SCAPER: variants seen among roughly 807,000 people sequenced by gnomAD.
SCAPER encodes the protein S phase cyclin A-associated protein in the endoplasmic reticulum.
In SCAPER, 98 loss-of-function variants were observed where a neutral mutation model predicts 182.2. The observed-to-expected ratio is 0.54, with a 90% CI of 0.46 to 0.64. SCAPER has a LOEUF of 0.64. Ranked by LOEUF, SCAPER falls within the 30% of genes least tolerant of loss-of-function variation. The pLI, the probability that SCAPER is intolerant of heterozygous loss-of-function variation, is 0.00. For missense variants in SCAPER, 1,432 were observed against 1,690.0 expected, an observed-to-expected ratio of 0.85 and a Z score of 2.68; for synonymous variants, 605 against 564.6, an observed-to-expected ratio of 1.07 and a Z score of -1.01.
At chr15:76,733,596 A>T (rs2151059312) in intron 15 of SCAPER, among the ~76,000 whole-genome samples, 2 of 152,028 alleles carry the variant, frequency 1.3e-5, no homozygotes, top group East Asian at 3.9e-4. Context: ...TAAAAAAAAA[A>T]AAGAAAAAAT....
chr15:76,766,452 T>C (rs2063123180), intron 11 of SCAPER, among the ~76,000 whole-genome samples: 1 of 152,122 alleles, frequency 6.6e-6, no homozygotes, highest in African/African-American at 2.4e-5. Flanking sequence ...TCACTTTCTA[T>C]AAATTATAAT....
chr15:76,399,954 G>A (rs901315081), intron 27 of SCAPER, among the ~76,000 whole-genome samples: 1 of 150,002 alleles, frequency 6.7e-6, no homozygotes, highest in Non-Finnish European at 1.5e-5. Context: ...ACAGTGAGCC[G>A]AGATGGCGCC....
chr15:76,364,596 T>C lies in SCAPER; in HGVS notation c.3856-10456A>G, dbSNP rs142388175. Among the ~76,000 whole-genome samples, 821 of 152,288 alleles carry C rather than the reference T, an allele frequency of 5.4e-3. 13 individuals are homozygous for C. The highest frequency in any genetic ancestry group is 0.019 in the African/African-American group (781 of 41,550). ...CTGCTTCCTATGGGAAAAGGCTGTG[T>C]GCTTGGTACCAGTAGCAGAGGAATG... On this transcript the variant is annotated intron_variant, in intron 29 of 31. Transcript: ENST00000563290.
intron 15 of SCAPER, among the ~76,000 whole-genome samples, chr15:76,748,983 A>C (rs2061952021): frequency 1.3e-5 from 2 of 152,086 alleles, no homozygotes; most frequent in Admixed American, 1.3e-4. Flanking sequence ...CTCTAAAAAA[A>C]TTGAAGATGA....
At chr15:76,692,847 A>G (rs1234993705) in intron 20 of SCAPER, among the ~76,000 whole-genome samples, 5 of 152,046 alleles carry the variant, frequency 3.3e-5, no homozygotes, top group African/African-American at 9.7e-5. Flanking sequence ...ATAAAGCGAC[A>G]ATAGACAAGA....
intron 23 of SCAPER, among the ~76,000 whole-genome samples, chr15:76,572,061 G>A (rs1466503404): frequency 2.0e-5 from 3 of 152,058 alleles, no homozygotes; most frequent in African/African-American, 2.4e-5. Context: ...ATTTAGACTG[G>A]GAGCCAGACA....
At chr15:76,559,981 G>A (rs1230749290) in intron 23 of SCAPER, among the ~76,000 whole-genome samples, 1 of 152,092 alleles carries the variant, frequency 6.6e-6, no homozygotes, top group Non-Finnish European at 1.5e-5. Context: ...TGTAAAGAAA[G>A]TTAAAATAGT....
intron 26 of SCAPER, among the ~76,000 whole-genome samples, chr15:76,431,675 G>GAAAAAAAAAAAAAAAAAAAAAA (rs1567126176): frequency 4.6e-4 from 2 of 4,316 alleles, no homozygotes; most frequent in African/African-American, 2.3e-3. Context: ...AAAATGATTA[G>GAAAAAAAAAAAAAAAAAAAAAA]CAAAAAAAAA....
chr15:76,734,355 G>A (rs1222528628), intron 15 of SCAPER, among the ~76,000 whole-genome samples: 1 of 152,196 alleles, frequency 6.6e-6, no homozygotes, highest in Non-Finnish European at 1.5e-5. Flanking sequence ...ATGGTAGAGT[G>A]AAGTAGGGAA....
At chr15:76,783,625 C>T (rs1391746871) in intron 8 of SCAPER, among the ~76,000 whole-genome samples, 4 of 151,376 alleles carry the variant, frequency 2.6e-5, no homozygotes, top group African/African-American at 4.9e-5. Context: ...GACATTGATG[C>T]GAAAATCCTC....
At chr15:76,832,067 T>C (rs567672975) in intron 5 of SCAPER, among the ~76,000 whole-genome samples, 1 of 152,312 alleles carries the variant, frequency 6.6e-6, no homozygotes, top group South Asian at 2.1e-4. Context: ...ATTCTGGCAA[T>C]TCTCAAACCA....
chr15:76,654,797 G>A (rs541054458), intron 21 of SCAPER, among the ~76,000 whole-genome samples: 22 of 152,258 alleles, frequency 1.4e-4, no homozygotes, highest in Admixed American at 4.6e-4. Context: ...TACAATTTTG[G>A]GTCTGGTTGC....
intron 17 of SCAPER, among the ~76,000 whole-genome samples, chr15:76,718,113 TA>T (rs2059989821): frequency 6.6e-6 from 1 of 152,054 alleles, no homozygotes; most frequent in Non-Finnish European, 1.5e-5. Flanking sequence ...TAGAAATCAA[TA>T]AAATGAATCC....
intron 2 of SCAPER, among the ~76,000 whole-genome samples, chr15:76,877,248 C>G (rs2073239650): frequency 6.6e-6 from 1 of 151,508 alleles, no homozygotes; most frequent in African/African-American, 2.4e-5. Flanking sequence ...CTTAAAGTCT[C>G]CCACTGGCTA....
chr15:76,401,393 A>G (rs1042021795), intron 27 of SCAPER, among the ~76,000 whole-genome samples: 26 of 151,776 alleles, frequency 1.7e-4, no homozygotes, highest in African/African-American at 6.0e-4. Context: ...GCTCATCTCT[A>G]TTTTCATTGA....
intron 24 of SCAPER, among the ~76,000 whole-genome samples, chr15:76,495,989 GAGAGACACACACACACACACACAC>G (rs1298174247): frequency 2.8e-5 from 3 of 105,570 alleles, no homozygotes; most frequent in African/African-American, 7.3e-5. Context: ...AAGCAAAAGA[GAGAGACACACACACACACACACAC>G]ACACACACAC....
At chr15:76,727,342 C>T (rs1227428396) in intron 17 of SCAPER, among the ~76,000 whole-genome samples, 2 of 151,972 alleles carry the variant, frequency 1.3e-5, no homozygotes, top group African/African-American at 4.8e-5. Flanking sequence ...AGGATAGTTC[C>T]AGACACCAAC....
At chr15:76,408,875 A>G (rs142787387) in intron 26 of SCAPER, among the ~76,000 whole-genome samples, 1 of 152,274 alleles carries the variant, frequency 6.6e-6, no homozygotes, top group Non-Finnish European at 1.5e-5. Context: ...AAAATGGCTT[A>G]GCTAGGTTTC....
chr15:76,460,890 C>T (rs1260470013), intron 25 of SCAPER, among the ~76,000 whole-genome samples: 2 of 152,100 alleles, frequency 1.3e-5, no homozygotes, highest in Non-Finnish European at 2.9e-5. Flanking sequence ...TACACAACTA[C>T]AGCACAATTA....
Sources: gnomAD v4.1 joint callset for allele counts (sites outside exome capture counted in the v4.1 genomes callset) on GRCh38, gnomAD v4.1.1 for gene constraint, MANE v1.5 for transcripts, NCBI Gene and HGNC (gene_info 2026-07-23, HGNC 2026-07-21) for gene names.